The following UNC119 variants were observed in gnomAD, a reference collection of about 807,000 sequenced individuals.
UNC119 encodes the protein protein unc-119 homolog A.
A neutral mutation model predicts 22.6 loss-of-function variants in UNC119; 15 were observed. The ratio of observed to expected loss-of-function variants is 0.66; its 90% CI spans 0.44 to 1.02. The LOEUF (loss-of-function observed/expected upper bound fraction) is 1.02, where lower values mean the gene tolerates loss of function less well. UNC119 is among the 50% of genes least tolerant of loss of function. The probability of loss-of-function intolerance (pLI) is 0.00; values close to 1 mark genes in which losing one functional copy is unlikely to be tolerated. For missense variants in UNC119, 322 were observed against 336.0 expected (o/e 0.96, Z 0.33); for synonymous variants, 138 against 139.4 (o/e 0.99, Z 0.07).
intron 1 of UNC119, 67 bp downstream of exon 1, chr17:28,552,271 G>T (rs2070281903): frequency 5.5e-6 from 8 of 1,442,920 alleles, no homozygotes; most frequent in South Asian, 2.6e-5. Flanking sequence ...GGCTTGGCGC[G>T]CCGGGAGGGC....
intron 1 of UNC119, 124 bp from the exon 2 acceptor site, chr17:28,548,829 G>A: frequency 1.4e-6 from 1 of 736,612 alleles, no homozygotes; most frequent in Admixed American, 2.3e-5. Flanking sequence ...TCTGGAAAGA[G>A]GGACCTCAGT....
At chr17:28,550,003 T>C (rs1290456231) in intron 1 of UNC119, 2 of 152,224 alleles carry the variant, frequency 1.3e-5, no homozygotes, top group African/African-American at 4.8e-5. Flanking sequence ...TCATTTTCTC[T>C]TCCCCAGGTC....
At chr17:28,549,634 GAGA>G (rs1411251801) in intron 1 of UNC119, 1 of 153,152 alleles carries the variant, frequency 6.5e-6, no homozygotes, top group Non-Finnish European at 1.5e-5. Context: ...GACCCCCATA[GAGA>G]AGAACACAGG....
chr17:28,548,067 G>C lies in UNC119; in HGVS notation c.369C>G (p.Pro123=). 6.2e-7 allele frequency: 1 copy of C among 1,613,778 alleles called. No homozygotes were observed. The highest frequency in any genetic ancestry group is 8.5e-7 in the Non-Finnish European group (1 of 1,180,018). ...GGTAGCGGACAAAGCGCCCAGCATT[G>C]GGGTCCAGGTCCCGCCGGTTGATGG... ...RLPINRRDLD[P]NAGRFVRYQF... The change falls in exon 3 of 5, where the codon CCC becomes CCG. Residue 123 remains proline (P), a synonymous_variant. Transcript: ENST00000335765.
intron 1 of UNC119, chr17:28,551,481 T>G (rs1567612125): frequency 6.6e-6 from 1 of 152,266 alleles, no homozygotes; most frequent in Non-Finnish European, 1.5e-5. Context: ...AAGAGCCCAA[T>G]GTACACAGCA....
Position 28,547,788 on chromosome 17 carries a change from A to G in UNC119, c.499T>C (p.Phe167Leu). The part of the protein sequence containing the change: ...NNFRMIERHY[F>L]RNQLLKSFDF... ...AAGCTTTTGAGTAGCTGGTTGCGGA[A>G]GTAGTGCCTCTCGATCATGCGGAAG... Residue 167 changes from phenylalanine to leucine, a missense_variant, in exon 4 of 5, where the codon TTC becomes CTC. By Grantham distance (22) the Phe-to-Leu change is conservative. Transcript: ENST00000335765. The G allele has an allele frequency of 6.2e-7, 1 of 1,614,214 alleles. No individual in the cohort carries two copies. Among genetic ancestry groups the G allele is most frequent in the Non-Finnish European group, 8.5e-7 (1 of 1,180,042 alleles).
chr17:28,547,138 C>G lies in UNC119; in HGVS notation c.*159G>C. ...GGCCGCATGGGCTTCATGGGCTTGA[C>G]TGGGGACACCAGGTACCCTTCCTCC... On this transcript the variant is annotated 3_prime_UTR_variant, in exon 5 of 5. Coordinates refer to ENST00000335765, the MANE Select transcript of UNC119 (RefSeq NM_005148.4). 1.1e-6 allele frequency: 1 copy of G among 888,458 alleles called. No individual in the cohort carries two copies. The highest frequency in any genetic ancestry group is 1.8e-6 in the Non-Finnish European group (1 of 565,410). The allele number at this position is 888,458 out of a possible 1,614,324, so 55.0% of individuals were successfully genotyped here.
At position 28,547,360 on chromosome 17, in the gene UNC119, G is replaced by A; in HGVS notation, c.660C>T (p.Tyr220=). 1 of 1,614,244 alleles carries A rather than the reference G, an allele frequency of 6.2e-7. No individual in the cohort carries two copies. The highest frequency in any genetic ancestry group is 1.1e-5 in the South Asian group (1 of 91,090). ...HPYETQSDSF[Y]FVDDRLVMHN... is the part of the protein sequence containing the mutation. The stretch of plus-strand genomic sequence containing the variant: ...GCATCACCAGCCGGTCATCCACGAA[G>A]TAGAAGCTGTCAGACTGGGTCTCAT... The change falls in exon 5 of 5, where the codon TAC becomes TAT. Residue 220 remains tyrosine, a synonymous_variant. Transcript: ENST00000335765.
Position 28,547,991 on chromosome 17 carries a change from C to G in UNC119, c.437+8G>C, listed in dbSNP as rs370221268. 1 of 1,613,618 alleles carries G rather than the reference C, an allele frequency of 6.2e-7. No homozygotes were observed. The highest frequency in any genetic ancestry group is 1.3e-5 in the African/African-American group (1 of 74,902). On this transcript the variant is annotated splice_region_variant and intron_variant, in intron 3 of 4. Coordinates refer to ENST00000335765, the MANE Select transcript of UNC119 (RefSeq NM_005148.4). ...ACCCCCACCACCACCCATAGCCCAG[C>G]GACTCACGTGGCTCCCACCTGCCTC...
rs886052767 is a variant in UNC119 at position 28,552,601 on chromosome 17, T to C, written c.-44A>G. 3.1e-5 allele frequency: 45 copies of C among 1,461,162 alleles called. No homozygotes were observed. Among genetic ancestry groups the C allele is most frequent in the Admixed American group, 1.2e-4 (5 of 41,726 alleles). The allele number at this position is 1,461,162 out of a possible 1,614,324, so 90.5% of individuals were successfully genotyped here. ...CTCGCCTGCTGCTGCCGCCGCTGCCTGCGCCGGCTGGAGCCGGGGGAAGTG... is the reference window on the plus strand; with the variant it reads ...CTCGCCTGCTGCTGCCGCCGCTGCCCGCGCCGGCTGGAGCCGGGGGAAGTG... On this transcript the variant is annotated 5_prime_UTR_variant, in exon 1 of 5. Transcript: ENST00000335765.
intron 2 of UNC119, 119 bp from the exon 3 acceptor site, chr17:28,548,220 G>A (rs901296991): frequency 1.2e-5 from 12 of 1,031,318 alleles, no homozygotes; most frequent in Non-Finnish European, 1.7e-5. Flanking sequence ...AAATTCCGGG[G>A]CACACTGAGG....
Position 28,547,825 on chromosome 17 carries a change from C to T in UNC119, c.462G>A (p.Lys154=). The T allele has an allele frequency of 6.2e-7, 1 of 1,614,172 alleles. No individual in the cohort carries two copies. Among genetic ancestry groups the T allele is most frequent in the East Asian group, 2.2e-5 (1 of 44,884 alleles). ...GATVEFTVGD[K]PVNNFRMIER... is the part of the protein sequence containing the mutation. ...CGATCATGCGGAAGTTGTTGACAGG[C>T]TTGTCTCCCACTGTGAACTCCACCC... The change falls in exon 4 of 5, where the codon AAG becomes AAA. Residue 154 remains lysine (K), a synonymous_variant. Coordinates refer to ENST00000335765, the MANE Select transcript of UNC119 (RefSeq NM_005148.4).
At position 28,548,544 on chromosome 17, in the gene UNC119, C is replaced by T. The variant is rs1200134508; in HGVS notation, c.334+48G>A. 6.5e-6 allele frequency: 10 copies of T among 1,527,824 alleles called. No homozygotes were observed. In the Admixed American group the frequency reaches 1.5e-4, roughly 23 times the overall value. The allele number at this position is 1,527,824 out of a possible 1,614,324, so 94.6% of individuals were successfully genotyped here. On this transcript the variant is annotated intron_variant, in intron 2 of 4. Transcript: ENST00000335765. ...CAAGGATTCCCTGGGCAGCCCACTC[C>T]GCAGCTCCTATCTGCCTCCCCATCA...
rs2070218820 is a variant in UNC119, at chr17:28,547,420, G to A, written c.611-11C>T. The stretch of plus-strand genomic sequence containing the variant: ...GGATCATCTCGCTGACTGCAAGAGA[G>A]GCCCAGCCAGGCCGGGCAAAGGTCA... On this transcript the variant is annotated splice_polypyrimidine_tract_variant and intron_variant, in intron 4 of 4. Coordinates refer to ENST00000335765, the MANE Select transcript of UNC119 (RefSeq NM_005148.4). The A allele has an allele frequency of 6.2e-7, 1 of 1,613,876 alleles. No individual in the cohort carries two copies. Among genetic ancestry groups the A allele is most frequent in the African/African-American group, 1.3e-5 (1 of 74,944 alleles).
In UNC119 at chr17:28,547,106, T is replaced by G. The variant is rs1490819793; in HGVS notation, c.*191A>C. The G allele has an allele frequency of 3.0e-6, 2 of 663,942 alleles. No individual in the cohort carries two copies. The highest frequency in any genetic ancestry group is 1.8e-5 in the African/African-American group (1 of 55,900). The allele number at this position is 663,942 out of a possible 1,614,324, so 41.1% of individuals were successfully genotyped here. A position where few individuals can be genotyped will look rare whatever the true frequency, so the allele number is the denominator to read the frequency against. Reference sequence around the variant, plus strand: ...ACAGCCTCCCTACGACCCCACCCCATGTAGCAGGCCGCATGGGCTTCATGG... The same window carrying G: ...ACAGCCTCCCTACGACCCCACCCCAGGTAGCAGGCCGCATGGGCTTCATGG... On this transcript the variant is annotated 3_prime_UTR_variant, in exon 5 of 5. Coordinates refer to ENST00000335765, the MANE Select transcript of UNC119 (RefSeq NM_005148.4).
Position 28,552,566 on chromosome 17 carries a change from G to A in UNC119, c.-9C>T, listed in dbSNP as rs1206727244. 8.6e-6 allele frequency: 13 copies of A among 1,509,062 alleles called. No homozygotes were observed. Among genetic ancestry groups the A allele is most frequent in the African/African-American group, 2.9e-5 (2 of 68,914 alleles). The allele number at this position is 1,509,062 out of a possible 1,614,324, so 93.5% of individuals were successfully genotyped here. ...CCCTTCTTCACCTTCATGGCCTTGC[G>A]GGGCCGAGGCTCGCCTGCTGCTGCC... On this transcript the variant is annotated 5_prime_UTR_variant, in exon 1 of 5. Transcript: ENST00000335765.
chr17:28,549,036 T>C lies in UNC119; in HGVS notation c.221-331A>G. 5 of 243,978 alleles carry C rather than the reference T, an allele frequency of 2.0e-5. No individual in the cohort carries two copies. The South Asian group carries it at 2.3e-4, about 11-fold the overall frequency. The allele number at this position is 243,978 out of a possible 1,614,324, so 15.1% of individuals were successfully genotyped here. ...TGAGGGTCCTCATTCTGGCCTCCGC[T>C]CTGCCAAGGCTGGCTAGATGACTTT... On this transcript the variant is annotated intron_variant, in intron 1 of 4. Transcript: ENST00000335765.
In UNC119 at chr17:28,547,848, C is replaced by A. The variant is rs759458653; in HGVS notation, c.439G>T (p.Val147Leu). 3 of 1,614,116 alleles carry A rather than the reference C, an allele frequency of 1.9e-6. No homozygotes were observed. Among genetic ancestry groups the A allele is most frequent in the African/African-American group, 1.3e-5 (1 of 75,034 alleles). ...GGCTTGTCTCCCACTGTGAACTCCACCCTGAGCAAGAAAAGGAGGCAGGGC... is the reference window on the plus strand; with the variant it reads ...GGCTTGTCTCCCACTGTGAACTCCAACCTGAGCAAGAAAAGGAGGCAGGGC... ...FLRLRQVGAT[V>L]EFTVGDKPVN... is the part of the protein sequence containing the mutation. Residue 147 changes from valine to leucine, a missense_variant and splice_region_variant, in exon 4 of 5, where the codon GTG (valine) becomes TTG (leucine). Transcript: ENST00000335765.
At chr17:28,547,459 C>T (rs374100746) in intron 4 of UNC119, 50 bp from the exon 5 acceptor site, 29 of 1,607,856 alleles carry the variant, frequency 1.8e-5, no homozygotes, top group Middle Eastern at 1.7e-4. Flanking sequence ...GCTTGAGTCC[C>T]GCCACTGCAG....
Sources: gnomAD v4.1 joint callset for allele counts on GRCh38, gnomAD v4.1.1 for gene constraint, MANE v1.5 for transcripts, NCBI Gene and HGNC (gene_info 2026-07-23, HGNC 2026-07-21) for gene names.